Variants in B3GNT3 observed in about 807,000 individuals in gnomAD.
The protein encoded by B3GNT3 is UDP-GlcNAc:betaGal beta-1,3-N-acetylglucosaminyltransferase 3, also known as N-acetyllactosaminide beta-1,3-N-acetylglucosaminyltransferase 3.
B3GNT3 carries 7 observed loss-of-function variants against 11.6 expected under a neutral mutation model. The observed-to-expected ratio is 0.60, with a 90% CI of 0.34 to 1.13. The LOEUF (loss-of-function observed/expected upper bound fraction) is 1.13. Among genes scored for constraint, B3GNT3 ranks in the 50% most tolerant of loss-of-function variants. B3GNT3 has a pLI of 0.03. For synonymous variants in B3GNT3, 201 were observed against 222.1 expected (o/e 0.90, Z 0.85); for missense variants, 400 against 507.4 (o/e 0.79, Z 2.03).
chr19:17,807,582 C>A (rs1034088579), intron 1 of B3GNT3, among the ~76,000 whole-genome samples, 176 bp from the exon 2 acceptor site: 5 of 151,386 alleles, frequency 3.3e-5, no homozygotes, highest in Non-Finnish European at 7.4e-5. Context: ...CCTGTCAGAG[C>A]CAACAGGGGT....
At position 17,812,352 on chromosome 19, in the gene B3GNT3, C is replaced by T; in HGVS notation, c.*230C>T. On this transcript the variant is annotated 3_prime_UTR_variant, in exon 3 of 3. Coordinates refer to ENST00000318683, the MANE Select transcript of B3GNT3 (RefSeq NM_014256.4). ...GGCTGGAGGAACTCCAGAAAATATC[C>T]ATCTTCTTTTTGTGGCTGCTAATGG... The T allele has an allele frequency of 3.8e-6, 2 of 521,824 alleles. No homozygotes were observed. Among genetic ancestry groups the T allele is most frequent in the East Asian group, 6.3e-5 (2 of 31,550 alleles). The allele number at this position is 521,824 out of a possible 1,614,324, so 32.3% of individuals were successfully genotyped here. A position where few individuals can be genotyped will look rare whatever the true frequency, so the allele number is the denominator to read the frequency against.
At chr19:17,799,870 T>G (rs1205914310) in intron 1 of B3GNT3, among the ~76,000 whole-genome samples, 1 of 152,046 alleles carries the variant, frequency 6.6e-6, no homozygotes, top group African/African-American at 2.4e-5. Flanking sequence ...TTTCCTCATC[T>G]GGAAAGTGGG....
Position 17,811,740 on chromosome 19 carries a change from G to C in B3GNT3, c.737G>C (p.Arg246Pro). The change falls in exon 3 of 3, where the codon CGG becomes CCG. Residue 246 changes from arginine (R) to proline (P), a missense_variant. Transcript: ENST00000318683. This position sits in a 1 kb window ranked among gnomAD's most constrained non-coding sequence, Gnocchi z 4.1. ...CTGATCCAAAACGTGGGCCCCATCC[G>C]GGCTTTTTGGAGCAAGTACTATGTG... ...GQLIQNVGPI[R>P]AFWSKYYVPE... 1 of 1,614,192 alleles carries C rather than the reference G, an allele frequency of 6.2e-7. No homozygotes were observed. Among genetic ancestry groups the C allele is most frequent in the South Asian group, 1.1e-5 (1 of 91,074 alleles).
intron 1 of B3GNT3, among the ~76,000 whole-genome samples, chr19:17,804,999 A>G (rs2094171401): frequency 6.6e-6 from 1 of 151,962 alleles, no homozygotes; most frequent in Non-Finnish European, 1.5e-5. Flanking sequence ...GGTGTACACC[A>G]CCACACTCAG....
chr19:17,808,197 G>A lies in B3GNT3; in HGVS notation c.390G>A (p.Trp130Ter), dbSNP rs999166237. ...GCCGCGAGCTGCTGCGGCGCACGTG[G>A]GGCCGCGAGCGCAAGGTACGGGGTT... ...YVRRELLRRT[W>*]GRERKVRGLQ... Residue 130 changes from tryptophan (W) to a stop codon, truncating the protein, a stop_gained, in exon 2 of 3, where the codon TGG (tryptophan) becomes TGA (stop). Transcript: ENST00000318683. LOFTEE classifies it high-confidence loss of function. The A allele has an allele frequency of 6.2e-7, 1 of 1,611,318 alleles. No homozygotes were observed. Among genetic ancestry groups the A allele is most frequent in the African/African-American group, 1.3e-5 (1 of 74,864 alleles).
chr19:17,799,059 C>T (rs1431913354), intron 1 of B3GNT3, among the ~76,000 whole-genome samples: 3 of 152,176 alleles, frequency 2.0e-5, no homozygotes, highest in African/African-American at 7.2e-5. Context: ...ACCACTTGAC[C>T]CTCTAGCCTT....
chr19:17,802,588 A>C (rs1016621366), intron 1 of B3GNT3, among the ~76,000 whole-genome samples: 1 of 152,076 alleles, frequency 6.6e-6, no homozygotes, highest in Non-Finnish European at 1.5e-5. Context: ...TTTCAGGGGA[A>C]GCCTAAATAT....
At chr19:17,796,011 T>C (rs1276698678) in intron 1 of B3GNT3, among the ~76,000 whole-genome samples, 1 of 152,152 alleles carries the variant, frequency 6.6e-6, no homozygotes, top group Non-Finnish European at 1.5e-5. Flanking sequence ...ATTATGTCTG[T>C]AGCCACTGTT....
Position 17,808,120 on chromosome 19 carries a change from C to G in B3GNT3, c.313C>G (p.Gln105Glu), listed in dbSNP as rs1171689872. The G allele has an allele frequency of 1.9e-6, 3 of 1,613,846 alleles. No individual in the cohort carries two copies. In the Admixed American group the frequency reaches 5.0e-5, roughly 27 times the overall value. The change falls in exon 2 of 3, where the codon CAG (glutamine) becomes GAG (glutamate). Residue 105 changes from glutamine (Q) to glutamate (E), a missense_variant. Coordinates refer to ENST00000318683, the MANE Select transcript of B3GNT3 (RefSeq NM_014256.4). ...GGACGTGCCCCCCTCTAAGTGCGCG[C>G]AGCCGGTCTTCCTGCTGCTGGTGAT... The part of the protein sequence containing the change: ...LQDVPPSKCA[Q>E]PVFLLLVIKS...
intron 1 of B3GNT3, among the ~76,000 whole-genome samples, chr19:17,803,729 T>C (rs1275569510): frequency 1.3e-5 from 2 of 151,816 alleles, no homozygotes; most frequent in African/African-American, 2.4e-5. Context: ...CTGGTGCCTG[T>C]GGTCGCAGCT....
chr19:17,811,467 G>A lies in B3GNT3; in HGVS notation c.568-104G>A. On this transcript the variant is annotated intron_variant, in intron 2 of 2. Coordinates refer to ENST00000318683, the MANE Select transcript of B3GNT3 (RefSeq NM_014256.4). This position sits in a 1 kb window ranked among gnomAD's most constrained non-coding sequence, Gnocchi z 4.1. The stretch of plus-strand genomic sequence containing the variant: ...AGGGCCTTAACCCAGGCTGGATTGT[G>A]GACACTTCCTTTCCTGGGCTTAGTG... 1 of 1,214,664 alleles carries A rather than the reference G, an allele frequency of 8.2e-7. No individual in the cohort carries two copies. Among genetic ancestry groups the A allele is most frequent in the Non-Finnish European group, 1.1e-6 (1 of 884,730 alleles). The allele number at this position is 1,214,664 out of a possible 1,614,324, so 75.2% of individuals were successfully genotyped here.
intron 1 of B3GNT3, among the ~76,000 whole-genome samples, chr19:17,800,933 G>A (rs1040574369): frequency 7.9e-5 from 12 of 151,426 alleles, no homozygotes; most frequent in Admixed American, 2.6e-4. Context: ...TGAGATCGTG[G>A]CGCTGCACTT....
At position 17,801,224 on chromosome 19, in the gene B3GNT3, G is replaced by T. The variant is rs141173170; in HGVS notation, c.-51+6018G>T. Among the ~76,000 whole-genome samples the T allele has an allele frequency of 9.1e-4, 138 of 152,114 alleles. No individual in the cohort carries two copies. In the Middle Eastern group the frequency reaches 0.02, roughly 22 times the overall value. On this transcript the variant is annotated intron_variant, in intron 1 of 2. Transcript: ENST00000318683. ...TGTTTTGTTTTTGAGACAGGGTCTT[G>T]CTCTGTTCCCCAGGCTGGAGTACTG...
intron 1 of B3GNT3, among the ~76,000 whole-genome samples, chr19:17,800,012 G>A (rs2094164235): frequency 6.6e-6 from 1 of 152,078 alleles, no homozygotes; most frequent in Non-Finnish European, 1.5e-5. Context: ...GGCAGATCTA[G>A]CCCCAGGTGG....
intron 2 of B3GNT3, among the ~76,000 whole-genome samples, chr19:17,809,095 A>C (rs1222702159): frequency 6.6e-6 from 1 of 152,052 alleles, no homozygotes; most frequent in Admixed American, 6.6e-5. Context: ...CGGCCTCCCA[A>C]AGTGCTGGGA....
chr19:17,799,329 C>T (rs894591502), intron 1 of B3GNT3, among the ~76,000 whole-genome samples: 5 of 140,650 alleles, frequency 3.6e-5, no homozygotes, highest in African/African-American at 8.2e-5. Context: ...AGTGCAGTGG[C>T]GCAATCTCGG....
chr19:17,800,106 G>A (rs1187073954), intron 1 of B3GNT3, among the ~76,000 whole-genome samples: 1 of 152,124 alleles, frequency 6.6e-6, no homozygotes, highest in Non-Finnish European at 1.5e-5. Context: ...TGGGCGCAGT[G>A]GCTCACTCCT....
At chr19:17,808,992 C>T (rs74716509) in intron 2 of B3GNT3, among the ~76,000 whole-genome samples, 1 of 152,130 alleles carries the variant, frequency 6.6e-6, no homozygotes, top group Non-Finnish European at 1.5e-5. Flanking sequence ...ACTCACCATG[C>T]CCAGCTAATT....
At chr19:17,799,354 C>T (rs2094163164) in intron 1 of B3GNT3, among the ~76,000 whole-genome samples, 1 of 151,096 alleles carries the variant, frequency 6.6e-6, no homozygotes, top group African/African-American at 2.4e-5. Context: ...CTGTAACCTC[C>T]ACCTCCTGGG....
Sources: allele counts gnomAD v4.1 joint callset (sites outside exome capture counted in the v4.1 genomes callset), GRCh38; gene constraint gnomAD v4.1.1; non-coding constraint Gnocchi (gnomAD v3.1); transcripts MANE v1.5; gene names NCBI Gene and HGNC (gene_info 2026-07-23, HGNC 2026-07-21).